Variants in EBAG9 observed in about 807,000 individuals in gnomAD.
The protein encoded by EBAG9 is estrogen receptor binding site associated antigen 9.
EBAG9 carries 16 observed loss-of-function variants against 30.9 expected under a neutral mutation model. The observed-to-expected ratio is 0.52, with a 90% CI of 0.35 to 0.79. The LOEUF (loss-of-function observed/expected upper bound fraction) is 0.79. Ranked by LOEUF, EBAG9 falls within the 30% of genes least tolerant of loss-of-function variation. EBAG9 has a pLI of 0.01. For missense variants in EBAG9, 197 were observed against 242.1 expected, an observed-to-expected ratio of 0.81 and a Z score of 1.24; for synonymous variants, 93 against 82.8, an observed-to-expected ratio of 1.12 and a Z score of -0.67.
At position 109,556,953 on chromosome 8, in the gene EBAG9, G is replaced by A; in HGVS notation, c.340G>A (p.Glu114Lys). The A allele has an allele frequency of 6.3e-7, 1 of 1,594,810 alleles. No homozygotes were observed. The highest frequency in any genetic ancestry group is 8.6e-7 in the Non-Finnish European group (1 of 1,168,970). Residue 114 changes from glutamate (E) to lysine (K), a missense_variant, in exon 5 of 7, where the codon GAA (glutamate) becomes AAA (lysine). Physicochemically the swap from Glu to Lys is moderately conservative, Grantham distance 56. Transcript: ENST00000337573. The stretch of plus-strand genomic sequence containing the variant: ...CTTTCAGATTGTTATTAAGAAGAGA[G>A]AACCATTGAATTTTGGCATCCCAGA... ...KTQKIVIKKR[E>K]PLNFGIPDGS...
chr8:109,551,758 CTGAAAACAAGAA>C (rs1175460677), intron 2 of EBAG9, among the ~76,000 whole-genome samples: 1 of 152,036 alleles, frequency 6.6e-6, no homozygotes, highest in African/African-American at 2.4e-5. Context: ...TAATGTAGAA[CTGAAAACAAGAA>C]TGATGGTCTC....
At chr8:109,551,326 TA>T (rs538343066) in intron 2 of EBAG9, among the ~76,000 whole-genome samples, 49 of 147,928 alleles carry the variant, frequency 3.3e-4, no homozygotes, top group East Asian at 1.2e-3. Context: ...AGAAAAATCC[TA>T]AAAAAAAAAA....
chr8:109,563,409 T>C (rs2131136593), intron 6 of EBAG9: 7 of 1,597,258 alleles, frequency 4.4e-6, no homozygotes, highest in Non-Finnish European at 5.1e-6. Context: ...CCAGGACCAA[T>C]GTATGTTTAC....
rs141747532 is a variant in EBAG9 at position 109,556,599 on chromosome 8, A to C, written c.322-336A>C. On this transcript the variant is annotated intron_variant, in intron 4 of 6. Coordinates refer to ENST00000337573, the MANE Select transcript of EBAG9 (RefSeq NM_004215.5). ...TCATAGGTATCTCACATGCTGAGAG[A>C]GTTGTTAATACTATTGGCAGGATAT... Among the ~76,000 whole-genome samples, 353 of 152,206 alleles carry C rather than the reference A, an allele frequency of 2.3e-3. 10 individuals are homozygous for C. The East Asian group carries it at 0.059, about 25-fold the overall frequency.
At chr8:109,563,241 C>T (rs1821744310) in intron 6 of EBAG9, among the ~76,000 whole-genome samples, 1 of 152,106 alleles carries the variant, frequency 6.6e-6, no homozygotes, top group African/African-American at 2.4e-5. Context: ...ATTTCACTCA[C>T]TGTAGTTAAT....
chr8:109,555,874 G>A (rs1821588178), intron 4 of EBAG9, among the ~76,000 whole-genome samples: 1 of 152,088 alleles, frequency 6.6e-6, no homozygotes, highest in African/African-American at 2.4e-5. Flanking sequence ...TGAAAAGTGA[G>A]ACTTCTGACC....
rs568432425 is a variant in EBAG9, at chr8:109,564,091, T to C, written c.522-348T>C. On this transcript the variant is annotated intron_variant, in intron 6 of 6. Coordinates refer to ENST00000337573, the MANE Select transcript of EBAG9 (RefSeq NM_004215.5). ...AGAAAAAGATGTGGTTCAATGGAAG[T>C]ATTGTTTTACAAAATGGAGATAATC... Among the ~76,000 whole-genome samples the C allele has an allele frequency of 7.2e-5, 11 of 152,252 alleles. No individual in the cohort carries two copies. The East Asian group carries it at 1.9e-3, about 27-fold the overall frequency.
At chr8:109,557,825 A>C in intron 5 of EBAG9, 1 of 376,218 alleles carries the variant, frequency 2.7e-6, no homozygotes, top group Non-Finnish European at 5.5e-6. Flanking sequence ...CTGACAAATT[A>C]ATGCTATTTG....
intron 3 of EBAG9, 74 bp downstream of exon 3, chr8:109,554,017 T>A: frequency 9.1e-7 from 1 of 1,094,214 alleles, no homozygotes; most frequent in Non-Finnish European, 1.3e-6. Context: ...AACAATATTT[T>A]AAAAACTGGA....
intron 4 of EBAG9, among the ~76,000 whole-genome samples, chr8:109,555,174 C>T (rs1821573660): frequency 6.6e-6 from 1 of 151,916 alleles, no homozygotes; most frequent in African/African-American, 2.4e-5. Context: ...TGATGTTCCC[C>T]TTCCTATGTC....
intron 5 of EBAG9, 73 bp downstream of exon 5, chr8:109,557,115 T>A: frequency 1.1e-6 from 1 of 921,320 alleles, no homozygotes; most frequent in South Asian, 1.9e-5. Context: ...GAATAAAATC[T>A]AAATGAGTTT....
intron 1 of EBAG9, among the ~76,000 whole-genome samples, chr8:109,541,723 G>A (rs1201177628): frequency 6.6e-6 from 1 of 152,200 alleles, no homozygotes; most frequent in Non-Finnish European, 1.5e-5. Context: ...TGAACGCAGA[G>A]TTTCCCCATG....
At chr8:109,557,287 T>G (rs1047203265) in intron 5 of EBAG9, among the ~76,000 whole-genome samples, 1 of 152,194 alleles carries the variant, frequency 6.6e-6, no homozygotes, top group Non-Finnish European at 1.5e-5. Flanking sequence ...TACAATGTTA[T>G]TTAAAAATAT....
intron 1 of EBAG9, among the ~76,000 whole-genome samples, chr8:109,548,887 C>CTTTTTTTTTTTTTTTTTTTT (rs548152043): frequency 1.6e-5 from 2 of 125,122 alleles, no homozygotes; most frequent in African/African-American, 3.0e-5. Flanking sequence ...TTTCTTTTTT[C>CTTTTTTTTTTTTTTTTTTTT]TTTTTTTTTT....
chr8:109,564,602 T>C lies in EBAG9; in HGVS notation c.*43T>C. 3.7e-6 allele frequency: 6 copies of C among 1,604,694 alleles called. No homozygotes were observed. Among genetic ancestry groups the C allele is most frequent in the Non-Finnish European group, 5.1e-6 (6 of 1,175,042 alleles). The stretch of plus-strand genomic sequence containing the variant: ...TCATGCCAGTAGGAGAAATCTCAGC[T>C]CCACAACCCAAGCAACATTTGTATG... On this transcript the variant is annotated 3_prime_UTR_variant, in exon 7 of 7. Coordinates refer to ENST00000337573, the MANE Select transcript of EBAG9 (RefSeq NM_004215.5).
intron 6 of EBAG9, chr8:109,563,365 T>C (rs1305085821): frequency 3.8e-6 from 6 of 1,592,874 alleles, no homozygotes; most frequent in Non-Finnish European, 5.1e-6. Flanking sequence ...CGTTGCATAC[T>C]TGAATGATTT....
At chr8:109,553,795 A>G (rs1586690749) in intron 2 of EBAG9, 70 bp from the exon 3 acceptor site, 3 of 1,212,758 alleles carry the variant, frequency 2.5e-6, no homozygotes, top group Admixed American at 4.3e-5. Context: ...TTCAATTACC[A>G]TACATAATAG....
intron 6 of EBAG9, among the ~76,000 whole-genome samples, chr8:109,563,920 G>A (rs1034796400): frequency 4.6e-5 from 7 of 151,966 alleles, no homozygotes; most frequent in African/African-American, 1.7e-4. Context: ...TTGGTGGAAG[G>A]TGTATCTTAA....
At chr8:109,552,397 G>A in intron 2 of EBAG9, among the ~76,000 whole-genome samples, 1 of 152,200 alleles carries the variant, frequency 6.6e-6, no homozygotes, top group South Asian at 2.1e-4. Flanking sequence ...CAAGAGGATA[G>A]GATTTGGGAA....
Sources: allele counts gnomAD v4.1 joint callset (sites outside exome capture counted in the v4.1 genomes callset), GRCh38; gene constraint gnomAD v4.1.1; transcripts MANE v1.5; gene names NCBI Gene and HGNC (gene_info 2026-07-23, HGNC 2026-07-21).